ANKMY2: variants seen among roughly 807,000 people sequenced by gnomAD.
ANKMY2 encodes the protein ankyrin repeat and MYND domain containing 2.
Under a neutral mutation model 50.4 loss-of-function variants are expected in ANKMY2, and 36 were observed. That is an observed-to-expected ratio of 0.71 (90% CI 0.55 to 0.94). The LOEUF (loss-of-function observed/expected upper bound fraction) is 0.94, where lower values mean the gene tolerates loss of function less well. Ranked by LOEUF, ANKMY2 falls within the 40% of genes least tolerant of loss-of-function variation. The pLI is 0.00. For synonymous variants in ANKMY2, 187 were observed against 178.8 expected, an observed-to-expected ratio of 1.05 and a Z score of -0.36; for missense variants, 565 against 524.0, an observed-to-expected ratio of 1.08 and a Z score of -0.76.
chr7:16,617,597 A>G (rs1488059958), intron 4 of ANKMY2, among the ~76,000 whole-genome samples: 1 of 152,208 alleles, frequency 6.6e-6, no homozygotes, highest in African/African-American at 2.4e-5. Flanking sequence ...AGCCGCAGAG[A>G]GATTCAAATT....
intron 2 of ANKMY2, among the ~76,000 whole-genome samples, chr7:16,634,624 T>A (rs1046489926): frequency 3.3e-5 from 5 of 152,140 alleles, no homozygotes; most frequent in African/African-American, 1.2e-4. Context: ...CCTGGGCAAA[T>A]AACTAGCTGA....
At chr7:16,608,543 G>C (rs1781195899) in intron 7 of ANKMY2, among the ~76,000 whole-genome samples, 1 of 152,122 alleles carries the variant, frequency 6.6e-6, no homozygotes, top group African/African-American at 2.4e-5. Context: ...CCAGAGAGAA[G>C]GCACAGAGAA....
intron 1 of ANKMY2, among the ~76,000 whole-genome samples, chr7:16,641,826 A>T (rs973347433): frequency 6.6e-6 from 1 of 152,208 alleles, no homozygotes; most frequent in African/African-American, 2.4e-5. Flanking sequence ...GATTCTACTA[A>T]TATAAAATTC....
rs1319587655 is a variant in ANKMY2 at position 16,624,968 on chromosome 7, G to A, written c.370+15C>T. 2 of 1,609,418 alleles carry A rather than the reference G, an allele frequency of 1.2e-6. No homozygotes were observed. The highest frequency in any genetic ancestry group is 1.3e-5 in the African/African-American group (1 of 74,714). ...TTTGGGTATAATCTAATGCAAAACTGCAGCAAAATCTCACCCACAAAGGCT... is the reference window on the plus strand; with the variant it reads ...TTTGGGTATAATCTAATGCAAAACTACAGCAAAATCTCACCCACAAAGGCT... On this transcript the variant is annotated intron_variant, in intron 4 of 9. Coordinates refer to ENST00000306999, the MANE Select transcript of ANKMY2 (RefSeq NM_020319.3).
At chr7:16,609,890 T>C (rs1241406126) in intron 6 of ANKMY2, 125 bp from the exon 7 acceptor site, 5 of 1,187,884 alleles carry the variant, frequency 4.2e-6, no homozygotes, top group Admixed American at 5.5e-5. Flanking sequence ...CAAATCATGA[T>C]GACGGGCTCA....
chr7:16,613,723 T>TA (rs1434584271), intron 5 of ANKMY2, among the ~76,000 whole-genome samples: 3 of 151,726 alleles, frequency 2.0e-5, no homozygotes, highest in Non-Finnish European at 2.9e-5. Context: ...CAAGTAAACA[T>TA]AAAAAATTAT....
chr7:16,616,584 C>G (rs550672192), intron 4 of ANKMY2, among the ~76,000 whole-genome samples: 1 of 152,128 alleles, frequency 6.6e-6, no homozygotes, highest in East Asian at 1.9e-4. Context: ...CCCCCCCTCC[C>G]TAGCTCCCTC....
At chr7:16,631,914 C>T (rs1781592800) in intron 2 of ANKMY2, among the ~76,000 whole-genome samples, 3 of 152,060 alleles carry the variant, frequency 2.0e-5, no homozygotes. Flanking sequence ...TGTGCCCGGC[C>T]CAGTTTTTCT....
chr7:16,612,307 T>C (rs1466112625), intron 5 of ANKMY2, among the ~76,000 whole-genome samples: 1 of 152,248 alleles, frequency 6.6e-6, no homozygotes, highest in Non-Finnish European at 1.5e-5. Context: ...ACAGATTAAA[T>C]GTCCTTGTAA....
chr7:16,618,268 G>C (rs1199370773), intron 4 of ANKMY2, among the ~76,000 whole-genome samples: 3 of 152,058 alleles, frequency 2.0e-5, no homozygotes, highest in Non-Finnish European at 4.4e-5. Flanking sequence ...ATTCAAGCCT[G>C]GGTAACAGAC....
At chr7:16,627,346 G>A (rs1403365331) in intron 2 of ANKMY2, among the ~76,000 whole-genome samples, 168 bp from the exon 3 acceptor site, 3 of 152,102 alleles carry the variant, frequency 2.0e-5, no homozygotes, top group Non-Finnish European at 4.4e-5. Flanking sequence ...ATAAACTTCT[G>A]AGGAAGAGAT....
chr7:16,612,906 C>T (rs1263337225), intron 5 of ANKMY2, among the ~76,000 whole-genome samples: 1 of 152,102 alleles, frequency 6.6e-6, no homozygotes, highest in African/African-American at 2.4e-5. Context: ...GCATTAAAAA[C>T]TAGATAAATT....
chr7:16,607,871 A>G (rs557413308), intron 7 of ANKMY2, among the ~76,000 whole-genome samples: 98 of 152,116 alleles, frequency 6.4e-4, no homozygotes, highest in Admixed American at 2.9e-3. Context: ...AGGAGTGTTT[A>G]GAAAAGCCAA....
intron 1 of ANKMY2, among the ~76,000 whole-genome samples, chr7:16,639,792 G>C (rs1224959023): frequency 6.6e-6 from 1 of 152,038 alleles, no homozygotes; most frequent in Non-Finnish European, 1.5e-5. Context: ...AAAAGAGAAT[G>C]ATATTCTTAG....
At chr7:16,629,417 TC>T (rs1484801421) in intron 2 of ANKMY2, among the ~76,000 whole-genome samples, 2 of 152,026 alleles carry the variant, frequency 1.3e-5, no homozygotes, top group Non-Finnish European at 2.9e-5. Context: ...GTGCCTACAG[TC>T]CCAGCTACTC....
chr7:16,615,594 C>G (rs1368226730), intron 5 of ANKMY2, 150 bp downstream of exon 5: 10 of 930,666 alleles, frequency 1.1e-5, no homozygotes, highest in Non-Finnish European at 1.1e-5. Flanking sequence ...GAGAGTGTTC[C>G]TTCAATAAAT....
At chr7:16,616,054 G>A in intron 4 of ANKMY2, 150 bp from the exon 5 acceptor site, 1 of 724,696 alleles carries the variant, frequency 1.4e-6, no homozygotes, top group Non-Finnish European at 2.2e-6. Flanking sequence ...GAGGAGGAGA[G>A]ATAAAATATT....
At chr7:16,620,892 A>T (rs1781426399) in intron 4 of ANKMY2, among the ~76,000 whole-genome samples, 1 of 152,218 alleles carries the variant, frequency 6.6e-6, no homozygotes, top group Non-Finnish European at 1.5e-5. Context: ...CTGTAATATC[A>T]GTAAAAGTAG....
rs1054276881 is a variant in ANKMY2, at chr7:16,622,032, AAAG to A, written c.370+2948_370+2950del. Among the ~76,000 whole-genome samples, 34 of 152,142 alleles carry A rather than the reference AAAG, an allele frequency of 2.2e-4. 1 individual carries two copies. Among genetic ancestry groups the A allele is most frequent in the South Asian group, 8.3e-4 (4 of 4,820 alleles). ...TGGTAAAGGTCTCCATAAAGTTAAA[AAAG>A]AAGAAGAAGAAAGAAGGAAGAAGAA... On this transcript the variant is annotated intron_variant, in intron 4 of 9. Transcript: ENST00000306999.
Sources: gnomAD v4.1 joint callset for allele counts (sites outside exome capture counted in the v4.1 genomes callset) on GRCh38, gnomAD v4.1.1 for gene constraint, MANE v1.5 for transcripts, NCBI Gene and HGNC (gene_info 2026-07-23, HGNC 2026-07-21) for gene names.